Variants in HYCC1 observed in about 807,000 individuals in gnomAD.
HYCC1 encodes hyccin PI4KA lipid kinase complex subunit 1, also known as hyccin.
the HYCC1 span, among the ~76,000 whole-genome samples, chr7:22,970,017 C>T: frequency 1.1e-4 from 17 of 152,060 alleles, no homozygotes; most frequent in African/African-American, 3.6e-4. Flanking sequence ...TATTATACAA[C>T]TAAAAAAAAA....
At chr7:22,962,076 G>A in the HYCC1 span, among the ~76,000 whole-genome samples, 547 of 126,880 alleles carry the variant, frequency 4.3e-3, 4 homozygotes, top group African/African-American at 0.015. Context: ...GATAAAGCCA[G>A]GTAATCTACA....
At chr7:22,998,202 T>C in the HYCC1 span, among the ~76,000 whole-genome samples, 10 of 152,224 alleles carry the variant, frequency 6.6e-5, no homozygotes, top group Admixed American at 6.5e-4. Context: ...TTAATAACCA[T>C]GTTGACCAAA....
At chr7:22,953,685 T>G in the HYCC1 span, among the ~76,000 whole-genome samples, 1 of 151,840 alleles carries the variant, frequency 6.6e-6, no homozygotes, top group African/African-American at 2.4e-5. Context: ...TTCCTAATAT[T>G]TTATTTTGTC....
chr7:22,922,852 A>T, the HYCC1 span, among the ~76,000 whole-genome samples: 1 of 152,248 alleles, frequency 6.6e-6, no homozygotes, highest in Non-Finnish European at 1.5e-5. Context: ...GTGTCAACCC[A>T]TCAGGAAGCT....
chr7:22,992,842 T>C, the HYCC1 span, among the ~76,000 whole-genome samples: 1 of 151,902 alleles, frequency 6.6e-6, no homozygotes, highest in Non-Finnish European at 1.5e-5. Context: ...TCAAAATAAC[T>C]CTCCAGTTAA....
the HYCC1 span, chr7:22,961,191 A>G: frequency 7.9e-7 from 1 of 1,271,544 alleles, no homozygotes; most frequent in Non-Finnish European, 1.2e-6. Flanking sequence ...CTAAATTGAG[A>G]AATCTTAAAT....
the HYCC1 span, among the ~76,000 whole-genome samples, chr7:22,921,725 T>C: frequency 6.6e-6 from 1 of 152,208 alleles, no homozygotes; most frequent in Non-Finnish European, 1.5e-5. Flanking sequence ...TTTAAAAATA[T>C]GAATTTTTAA....
At chr7:23,006,614 C>T in the HYCC1 span, among the ~76,000 whole-genome samples, 1 of 152,120 alleles carries the variant, frequency 6.6e-6, no homozygotes, top group African/African-American at 2.4e-5. Context: ...ATTTCCAAGC[C>T]TATACATCAC....
the HYCC1 span, among the ~76,000 whole-genome samples, chr7:22,955,121 T>C: frequency 2.6e-5 from 4 of 151,590 alleles, no homozygotes; most frequent in Admixed American, 6.6e-5. Context: ...TTTAAAGTAA[T>C]TGTTACTATT....
the HYCC1 span, among the ~76,000 whole-genome samples, chr7:22,971,102 CAT>C: frequency 1.9e-4 from 29 of 151,714 alleles, no homozygotes; most frequent in Admixed American, 1.2e-3. Flanking sequence ...TGGTGAGAGA[CAT>C]GTGTGTTATT....
the HYCC1 span, among the ~76,000 whole-genome samples, chr7:22,931,980 G>C: frequency 6.6e-6 from 1 of 152,164 alleles, no homozygotes; most frequent in African/African-American, 2.4e-5. Flanking sequence ...TTATGTGAAA[G>C]GAACCAGCAT....
At chr7:22,969,295 C>T in the HYCC1 span, among the ~76,000 whole-genome samples, 1 of 151,564 alleles carries the variant, frequency 6.6e-6, no homozygotes, top group Admixed American at 6.6e-5. Context: ...ATGCCCCAGC[C>T]TCCCACACCG....
At chr7:22,911,644 G>A in the HYCC1 span, among the ~76,000 whole-genome samples, 1 of 152,196 alleles carries the variant, frequency 6.6e-6, no homozygotes, top group Admixed American at 6.5e-5. Context: ...TGTAGTCCCA[G>A]CTACTCAGGA....
the HYCC1 span, chr7:22,940,236 G>GTTTTTTTTTTTTTTTTTTTTTTTTT: frequency 1.1e-5 from 1 of 87,174 alleles, no homozygotes; most frequent in African/African-American, 5.1e-5. Flanking sequence ...AATAGGTTCT[G>GTTTTTTTTTTTTTTTTTTTTTTTTT]TTTTTTTTTT....
At chr7:22,911,849 AAT>A in the HYCC1 span, among the ~76,000 whole-genome samples, 1 of 152,148 alleles carries the variant, frequency 6.6e-6, no homozygotes, top group Non-Finnish European at 1.5e-5. Context: ...ATTCTAACTA[AAT>A]GTTTCTGATC....
chr7:23,001,675 T>C, the HYCC1 span, among the ~76,000 whole-genome samples: 2 of 152,060 alleles, frequency 1.3e-5, no homozygotes, highest in African/African-American at 4.8e-5. Context: ...TGCTAGCATG[T>C]GGTTGCAGTA....
the HYCC1 span, chr7:22,936,603 T>G: frequency 6.6e-6 from 1 of 152,202 alleles, no homozygotes; most frequent in East Asian, 1.9e-4. Context: ...GCTCCCAATT[T>G]TTGTCACTCA....
the HYCC1 span, among the ~76,000 whole-genome samples, chr7:23,013,733 G>T: frequency 6.6e-6 from 1 of 151,734 alleles, no homozygotes; most frequent in Non-Finnish European, 1.5e-5. Context: ...CGCCCCCAGC[G>T]CCCCGCGCCG....
At chr7:22,946,987 G>C in the HYCC1 span, 5 of 1,549,310 alleles carry the variant, frequency 3.2e-6, no homozygotes, top group Non-Finnish European at 4.4e-6. Context: ...TGCTAAAACT[G>C]CACTCTGCCA....
Sources: gnomAD v4.1 joint callset for allele counts (sites outside exome capture counted in the v4.1 genomes callset) on GRCh38, gnomAD v4.1.1 for gene constraint, MANE v1.5 for transcripts, NCBI Gene and HGNC (gene_info 2026-07-23, HGNC 2026-07-21) for gene names.